Variants in FHOD3 observed in about 807,000 individuals in gnomAD.
The protein encoded by FHOD3 is FH1/FH2 domain-containing protein 3.
In FHOD3, 90 loss-of-function variants were observed where a neutral mutation model predicts 173.0. The ratio of observed to expected loss-of-function variants is 0.52; its 90% confidence interval spans 0.44 to 0.62. The LOEUF (loss-of-function observed/expected upper bound fraction) is 0.62. Ranked by LOEUF, FHOD3 falls within the 20% of genes least tolerant of loss-of-function variation. The probability of loss-of-function intolerance (pLI) is 0.00; values close to 1 mark genes in which losing one functional copy is unlikely to be tolerated. For synonymous variants in FHOD3, 828 were observed against 823.0 expected (o/e 1.01, Z -0.10); for missense variants, 1,945 against 2,034.7 (o/e 0.96, Z 0.85).
chr18:36,760,839 G>A (rs977560709), intron 27 of FHOD3, 57 bp downstream of exon 27: 15 of 1,508,260 alleles, frequency 9.9e-6, no homozygotes, highest in African/African-American at 4.2e-5. Flanking sequence ...GCTCTGGGGG[G>A]GTCCGGTCTC....
At chr18:36,705,784 T>G (rs1246082893) in intron 17 of FHOD3, among the ~76,000 whole-genome samples, 1 of 152,208 alleles carries the variant, frequency 6.6e-6, no homozygotes, top group East Asian at 1.9e-4. Context: ...AACAAGCACC[T>G]TTTCTCCCTA....
At chr18:36,587,943 T>C (rs974343898) in intron 6 of FHOD3, among the ~76,000 whole-genome samples, 12 of 152,218 alleles carry the variant, frequency 7.9e-5, no homozygotes, top group Non-Finnish European at 1.6e-4. Flanking sequence ...GCAAATTGCA[T>C]TGTGTCATAA....
In FHOD3 at chr18:36,760,688, C is replaced by T. The variant is rs9946890; in HGVS notation, c.4530C>T (p.His1510=). 13,720 of 1,613,232 alleles carry T rather than the reference C, an allele frequency of 8.5e-3. 1,009 individuals are homozygous for T. In the African/African-American group the frequency reaches 0.16, roughly 19 times the overall value. The change falls in exon 27 of 29, where the codon CAC becomes CAT. Residue 1510 remains histidine, a synonymous_variant. Coordinates refer to ENST00000590592, the MANE Select transcript of FHOD3 (RefSeq NM_001281740.3). ...GCTATGCGGAGGACGCGGCTGAGCA[C>T]GAGAACATGAAGGCTGTGCTGAAAA... ...GLSYAEDAAE[H]ENMKAVLKTS...
chr18:36,754,864 G>A (rs1034692046), intron 24 of FHOD3, among the ~76,000 whole-genome samples: 1 of 151,698 alleles, frequency 6.6e-6, no homozygotes, highest in East Asian at 1.9e-4. Context: ...TCCATCAGTG[G>A]GAAAGTGAGT....
chr18:36,510,966 C>T (rs1482836036), intron 4 of FHOD3, among the ~76,000 whole-genome samples: 1 of 152,070 alleles, frequency 6.6e-6, no homozygotes, highest in Non-Finnish European at 1.5e-5. Flanking sequence ...TACCTGGTCC[C>T]CCATCCATAT....
chr18:36,420,567 G>C (rs907800274), intron 3 of FHOD3, among the ~76,000 whole-genome samples: 1 of 152,194 alleles, frequency 6.6e-6, no homozygotes, highest in African/African-American at 2.4e-5. Flanking sequence ...GCCCTTGTTG[G>C]CTCGGGACAG....
intron 10 of FHOD3, among the ~76,000 whole-genome samples, chr18:36,645,957 T>G (rs902903930): frequency 1.3e-5 from 2 of 152,174 alleles, no homozygotes; most frequent in Non-Finnish European, 2.9e-5. Flanking sequence ...ATGAAGGCTA[T>G]CTACCAAAAA....
At chr18:36,742,920 G>A in intron 22 of FHOD3, 64 bp downstream of exon 22, 1 of 1,565,722 alleles carries the variant, frequency 6.4e-7, no homozygotes, top group Non-Finnish European at 8.6e-7. Context: ...CCCAGCAATT[G>A]CTGATGAAGG....
Position 36,432,148 on chromosome 18 carries a change from A to G in FHOD3, c.337+59404A>G, listed in dbSNP as rs1340086975. Among the ~76,000 whole-genome samples, 3 of 152,322 alleles carry G rather than the reference A, an allele frequency of 2.0e-5. No individual in the cohort carries two copies. The East Asian group carries it at 5.8e-4, about 29-fold the overall frequency. The stretch of plus-strand genomic sequence containing the variant: ...TGGGCAGCCAAGGATCTTCAGGGCC[A>G]TGCCATCTTGGAGATTTTCTTCAGA... On this transcript the variant is annotated intron_variant, in intron 3 of 28. Transcript: ENST00000590592.
intron 3 of FHOD3, among the ~76,000 whole-genome samples, chr18:36,380,583 C>CTTTTCTTTTCT (rs1568196309): frequency 1.7e-4 from 14 of 81,344 alleles, no homozygotes; most frequent in African/African-American, 7.7e-4. Context: ...TTTTCTTTTC[C>CTTTTCTTTTCT]TTTCCTTTCC....
intron 14 of FHOD3, among the ~76,000 whole-genome samples, chr18:36,664,872 C>T (rs542303213): frequency 2.8e-4 from 43 of 151,848 alleles, no homozygotes; most frequent in Admixed American, 1.6e-3. Context: ...CGCAGTAGCT[C>T]ATGCCTATAA....
intron 14 of FHOD3, among the ~76,000 whole-genome samples, chr18:36,668,192 T>C (rs2037307194): frequency 6.6e-6 from 1 of 152,206 alleles, no homozygotes; most frequent in South Asian, 2.1e-4. Flanking sequence ...ATGCCTCTAA[T>C]AGATATTTAT....
chr18:36,564,332 G>A (rs1378499432), intron 5 of FHOD3, among the ~76,000 whole-genome samples: 5 of 152,142 alleles, frequency 3.3e-5, no homozygotes, highest in Non-Finnish European at 1.5e-5. Flanking sequence ...ATTTTTAGAG[G>A]TTCAAAACTT....
At chr18:36,528,658 A>T (rs2146783239) in intron 5 of FHOD3, among the ~76,000 whole-genome samples, 1 of 152,302 alleles carries the variant, frequency 6.6e-6, no homozygotes, top group South Asian at 2.1e-4. Context: ...GGGCAATTTC[A>T]TCTGCTTAAG....
At chr18:36,708,972 T>C in intron 17 of FHOD3, 123 bp from the exon 18 acceptor site, 4 of 1,215,984 alleles carry the variant, frequency 3.3e-6, no homozygotes, top group Non-Finnish European at 4.7e-6. Flanking sequence ...GGCATAGGTC[T>C]CTTGGGGGCC....
intron 9 of FHOD3, among the ~76,000 whole-genome samples, chr18:36,625,218 G>A (rs1192259860): frequency 6.6e-6 from 1 of 152,180 alleles, no homozygotes; most frequent in African/African-American, 2.4e-5. Flanking sequence ...TACAGAGTTA[G>A]TTAGGTCCTA....
At position 36,625,545 on chromosome 18, in the gene FHOD3, C is replaced by T. The variant is rs200338370; in HGVS notation, c.992C>T (p.Thr331Met). The T allele has an allele frequency of 5.3e-5, 79 of 1,489,972 alleles. No homozygotes were observed. The highest frequency in any genetic ancestry group is 3.7e-4 in the Middle Eastern group (2 of 5,464). 92.3% of individuals were successfully genotyped at this position (1,489,972 alleles called of 1,614,324 possible). The change falls in exon 10 of 29, where the codon ACG becomes ATG. Residue 331 changes from threonine to methionine, a missense_variant. By Grantham distance (81) the Thr-to-Met change is moderately conservative. Transcript: ENST00000590592. ...AGGCACGAGGATGGCGATGAGACCACGGAGCCACCCCCCAGTGGGTGCCGG... is the reference window on the plus strand; with the variant it reads ...AGGCACGAGGATGGCGATGAGACCATGGAGCCACCCCCCAGTGGGTGCCGG... ...ALRHEDGDET[T>M]EPPPSGCRDR...
At chr18:36,559,869 C>T (rs374113945) in intron 5 of FHOD3, among the ~76,000 whole-genome samples, 7 of 152,130 alleles carry the variant, frequency 4.6e-5, no homozygotes, top group African/African-American at 1.7e-4. Flanking sequence ...GCTTTGTTAG[C>T]CCCCCGGTCC....
chr18:36,536,439 C>A (rs551601825), intron 5 of FHOD3, among the ~76,000 whole-genome samples: 1 of 152,340 alleles, frequency 6.6e-6, no homozygotes, highest in Admixed American at 6.5e-5. Flanking sequence ...AAGAAGTCAG[C>A]GCCCGCTGTG....
Sources: gnomAD v4.1 joint callset for allele counts (sites outside exome capture counted in the v4.1 genomes callset) on GRCh38, gnomAD v4.1.1 for gene constraint, MANE v1.5 for transcripts, NCBI Gene and HGNC (gene_info 2026-07-23, HGNC 2026-07-21) for gene names.